Variants in CPA6 observed in about 807,000 individuals in gnomAD.
CPA6 encodes the protein carboxypeptidase B.
CPA6 carries 58 observed loss-of-function variants against 63.3 expected under a neutral mutation model. The ratio of observed to expected loss-of-function variants is 0.92; its 90% CI spans 0.74 to 1.14. The LOEUF (loss-of-function observed/expected upper bound fraction) is 1.14. Among genes scored for constraint, CPA6 ranks in the 50% most tolerant of loss-of-function variants. The pLI is 0.00. For missense variants in CPA6, 565 were observed against 526.6 expected, an observed-to-expected ratio of 1.07 and a Z score of -0.71; for synonymous variants, 185 against 179.0, an observed-to-expected ratio of 1.03 and a Z score of -0.27.
chr8:67,605,311 G>A (rs1814603442), intron 2 of CPA6, among the ~76,000 whole-genome samples: 1 of 151,736 alleles, frequency 6.6e-6, no homozygotes, highest in South Asian at 2.1e-4. Context: ...TTCATCCCTT[G>A]GTATTGAATG....
intron 5 of CPA6, among the ~76,000 whole-genome samples, chr8:67,507,614 G>A (rs184628967): frequency 6.6e-5 from 10 of 152,038 alleles, no homozygotes; most frequent in Non-Finnish European, 1.2e-4. Context: ...GTCAGACATC[G>A]TGCTCAGTAC....
intron 2 of CPA6, among the ~76,000 whole-genome samples, chr8:67,544,291 G>C (rs989731428): frequency 6.6e-6 from 1 of 152,188 alleles, no homozygotes; most frequent in Non-Finnish European, 1.5e-5. Flanking sequence ...AGGGTGTACT[G>C]TCAGAATCCC....
At chr8:67,683,290 T>A (rs941407207) in intron 1 of CPA6, among the ~76,000 whole-genome samples, 2 of 152,258 alleles carry the variant, frequency 1.3e-5, no homozygotes, top group Non-Finnish European at 2.9e-5. Context: ...TTGCCATAAC[T>A]GTTTAAGCCT....
At chr8:67,425,653 C>T (rs1212476985) in intron 10 of CPA6, among the ~76,000 whole-genome samples, 1 of 152,166 alleles carries the variant, frequency 6.6e-6, no homozygotes, top group African/African-American at 2.4e-5. Flanking sequence ...GGATTATAGG[C>T]GTGAGCCACT....
chr8:67,713,716 GA>G (rs1817320908), intron 1 of CPA6, among the ~76,000 whole-genome samples: 2 of 152,196 alleles, frequency 1.3e-5, no homozygotes, highest in Non-Finnish European at 2.9e-5. Context: ...TTGACACAGT[GA>G]GCATTTCTAA....
chr8:67,737,387 A>G (rs974341139), intron 1 of CPA6, among the ~76,000 whole-genome samples: 2 of 152,242 alleles, frequency 1.3e-5, no homozygotes, highest in Non-Finnish European at 2.9e-5. Flanking sequence ...TTTCAATACC[A>G]GCCATTTAAA....
chr8:67,652,682 T>C (rs1815876863), intron 1 of CPA6, among the ~76,000 whole-genome samples: 2 of 150,798 alleles, frequency 1.3e-5, no homozygotes, highest in South Asian at 4.2e-4. Flanking sequence ...TCTCCCATTT[T>C]GTAGGTTGCC....
At chr8:67,631,694 T>C (rs1188547258) in intron 1 of CPA6, among the ~76,000 whole-genome samples, 1 of 152,230 alleles carries the variant, frequency 6.6e-6, no homozygotes. Context: ...TTTGTTCTTT[T>C]ATTGTTTGCA....
intron 1 of CPA6, among the ~76,000 whole-genome samples, chr8:67,738,532 A>G (rs1221524584): frequency 6.6e-6 from 1 of 152,234 alleles, no homozygotes; most frequent in Non-Finnish European, 1.5e-5. Flanking sequence ...AGCAAAACTA[A>G]GAAACAAACA....
intron 1 of CPA6, among the ~76,000 whole-genome samples, chr8:67,632,126 T>A (rs1032819318): frequency 2.0e-5 from 3 of 150,342 alleles, no homozygotes; most frequent in Admixed American, 6.7e-5. Flanking sequence ...TTAAACTTTT[T>A]GTAAACCTTT....
At chr8:67,592,564 A>C (rs897666575) in intron 2 of CPA6, among the ~76,000 whole-genome samples, 2 of 151,514 alleles carry the variant, frequency 1.3e-5, no homozygotes, top group South Asian at 2.1e-4. Flanking sequence ...ACAATTTCAG[A>C]TCCTGTTATT....
intron 1 of CPA6, among the ~76,000 whole-genome samples, chr8:67,677,715 G>T (rs1308408684): frequency 6.6e-6 from 1 of 152,052 alleles, no homozygotes; most frequent in Non-Finnish European, 1.5e-5. Flanking sequence ...CCACTAGAAA[G>T]AAATAATCAA....
intron 8 of CPA6, among the ~76,000 whole-genome samples, chr8:67,477,700 C>T (rs548552813): frequency 1.6e-4 from 24 of 152,290 alleles, no homozygotes; most frequent in African/African-American, 5.5e-4. Context: ...CGCATCAACA[C>T]GTCATTCTCA....
At chr8:67,466,577 T>A (rs1465931492) in intron 8 of CPA6, among the ~76,000 whole-genome samples, 1 of 152,210 alleles carries the variant, frequency 6.6e-6, no homozygotes. Context: ...GCTTTCTAAC[T>A]TTTTAAGGTA....
chr8:67,422,947 C>A (rs1250773483), intron 10 of CPA6, among the ~76,000 whole-genome samples: 1 of 152,228 alleles, frequency 6.6e-6, no homozygotes, highest in Non-Finnish European at 1.5e-5. Context: ...AATTTCTCAA[C>A]CTCAATTCCA....
intron 2 of CPA6, among the ~76,000 whole-genome samples, chr8:67,534,869 C>T (rs771128971): frequency 3.4e-5 from 5 of 147,532 alleles, no homozygotes; most frequent in Non-Finnish European, 7.5e-5. Flanking sequence ...CCTCCCCTTG[C>T]CCCCCACCCC....
chr8:67,632,485 A>AT (rs896477672), intron 1 of CPA6, among the ~76,000 whole-genome samples: 21 of 151,748 alleles, frequency 1.4e-4, no homozygotes, highest in African/African-American at 4.4e-4. Flanking sequence ...TTAAAAAAAA[A>AT]TTTTTTTTAG....
chr8:67,539,691 G>T (rs778204900), intron 2 of CPA6, among the ~76,000 whole-genome samples: 1 of 152,024 alleles, frequency 6.6e-6, no homozygotes, highest in Admixed American at 6.6e-5. Flanking sequence ...GGCTTTGTTC[G>T]TTCTTTTTCA....
intron 5 of CPA6, 86 bp downstream of exon 5, chr8:67,509,431 T>G: frequency 1.5e-6 from 1 of 645,684 alleles, no homozygotes; most frequent in Non-Finnish European, 2.8e-6. Context: ...AAAAGATCAT[T>G]TCATTTCTTT....
Sources: gnomAD v4.1 joint callset for allele counts (sites outside exome capture counted in the v4.1 genomes callset) on GRCh38, gnomAD v4.1.1 for gene constraint, MANE v1.5 for transcripts, NCBI Gene and HGNC (gene_info 2026-07-23, HGNC 2026-07-21) for gene names.